The following EMC1 variants were observed in gnomAD, a reference collection of about 807,000 sequenced individuals.
EMC1 encodes ER membrane protein complex subunit 1, also known as KIAA0090.
In EMC1, 103 loss-of-function variants were observed where a neutral mutation model predicts 128.8. The ratio of observed to expected loss-of-function variants is 0.80; its 90% CI spans 0.68 to 0.94. EMC1 has a LOEUF of 0.94. Among genes scored for constraint, EMC1 ranks in the 40% least tolerant of loss-of-function variants. EMC1 has a pLI of 0.00. For missense variants in EMC1, 1,083 were observed against 1,250.6 expected, an observed-to-expected ratio of 0.87 and a Z score of 2.02; for synonymous variants, 442 against 490.4, an observed-to-expected ratio of 0.90 and a Z score of 1.30.
At chr1:19,244,177 G>A (rs1327055803) in intron 2 of EMC1, among the ~76,000 whole-genome samples, 162 bp from the exon 3 acceptor site, 1 of 152,124 alleles carries the variant, frequency 6.6e-6, no homozygotes, top group Non-Finnish European at 1.5e-5. Context: ...CATTCACGGG[G>A]TAATGAGGGT....
At chr1:19,244,144 G>A (rs769572799) in intron 2 of EMC1, 129 bp from the exon 3 acceptor site, 4 of 866,230 alleles carry the variant, frequency 4.6e-6, no homozygotes, top group Non-Finnish European at 7.4e-6. Context: ...AAGGAGTATA[G>A]CTAACTGGCA....
chr1:19,240,858 G>A (rs3932459), intron 6 of EMC1, among the ~76,000 whole-genome samples, 158 bp downstream of exon 6: 2 of 152,072 alleles, frequency 1.3e-5, no homozygotes, highest in African/African-American at 2.4e-5. Flanking sequence ...ACTTTAAATA[G>A]AGGCCTAATG....
chr1:19,248,726 G>A (rs2093643337), intron 1 of EMC1, among the ~76,000 whole-genome samples: 1 of 151,868 alleles, frequency 6.6e-6, no homozygotes, highest in Non-Finnish European at 1.5e-5. Flanking sequence ...CCCCAAGCTG[G>A]TCTTGAACTC....
rs773588875 is a variant in EMC1, at chr1:19,220,853, A to G, written c.2588-5T>C. The G allele has an allele frequency of 2.5e-6, 4 of 1,609,850 alleles. No homozygotes were observed. Among genetic ancestry groups the G allele is most frequent in the Non-Finnish European group, 3.4e-6 (4 of 1,176,594 alleles). On this transcript the variant is annotated splice_region_variant and splice_polypyrimidine_tract_variant and intron_variant, in intron 20 of 22. Transcript: ENST00000477853. ...TTGCTCCAGAAGGTAGTCCAACTAC[A>G]CAGGAGGAAGTGAATGTTCACACCG...
rs2093448264 is a variant in EMC1 at position 19,223,539 on chromosome 1, T to A, written c.2233A>T (p.Thr745Ser). Residue 745 changes from threonine (T) to serine (S), a missense_variant, in exon 19 of 23, where the codon ACA (threonine) becomes TCA (serine). Thr to Ser is a moderately conservative substitution (Grantham distance 58). Transcript: ENST00000477853. Reference protein sequence around the residue: ...SLNPNLLAVVTESTDAHHERT... With the variant: ...SLNPNLLAVVSESTDAHHERT... Reference sequence around the variant, plus strand: ...TCATGGTGCGCGTCTGTGCTCTCTGTCACCACGGCCAGCAGGTTGGGGTTC... The same window carrying A: ...TCATGGTGCGCGTCTGTGCTCTCTGACACCACGGCCAGCAGGTTGGGGTTC... 1 of 1,614,098 alleles carries A rather than the reference T, an allele frequency of 6.2e-7. No individual in the cohort carries two copies. The highest frequency in any genetic ancestry group is 2.2e-5 in the East Asian group (1 of 44,874).
In EMC1 at chr1:19,219,655, C is replaced by T. The variant is rs767596155; in HGVS notation, c.2716G>A (p.Ala906Thr). The change falls in exon 22 of 23, where the codon GCA becomes ACA. Residue 906 changes from alanine to threonine, a missense_variant. Ala to Thr is a moderately conservative substitution (Grantham distance 58). Transcript: ENST00000477853. The stretch of plus-strand genomic sequence containing the variant: ...TGGTTATAGTTGATGAATCGCTCTG[C>T]GTGTATCTGTACATCTGGAGAATAC... ...IPYSPDVQIHAERFINYNQTV... is the reference protein window; with the variant it reads ...IPYSPDVQIHTERFINYNQTV... 12 of 1,613,880 alleles carry T rather than the reference C, an allele frequency of 7.4e-6. No individual in the cohort carries two copies. The Admixed American group carries it at 8.3e-5, about 11-fold the overall frequency.
At chr1:19,228,645 T>C (rs1347048763) in intron 17 of EMC1, among the ~76,000 whole-genome samples, 1 of 152,140 alleles carries the variant, frequency 6.6e-6, no homozygotes, top group Non-Finnish European at 1.5e-5. Context: ...TGTCAATATT[T>C]TTCTGTAATA....
intron 7 of EMC1, 68 bp downstream of exon 7, chr1:19,240,229 A>C: frequency 1.3e-6 from 2 of 1,590,288 alleles, no homozygotes; most frequent in Non-Finnish European, 8.6e-7. Context: ...CTCCAGGGGA[A>C]TCATGCCAAA....
intron 1 of EMC1, among the ~76,000 whole-genome samples, chr1:19,247,329 G>A (rs1339054178): frequency 6.6e-6 from 1 of 152,098 alleles, no homozygotes; most frequent in East Asian, 1.9e-4. Flanking sequence ...GCATGCCATT[G>A]TGCCCAGCTT....
chr1:19,219,530 C>T (rs765270968), intron 22 of EMC1, 39 bp downstream of exon 22: 8 of 1,613,924 alleles, frequency 5.0e-6, no homozygotes, highest in Non-Finnish European at 6.8e-6. Flanking sequence ...ACCAATGATC[C>T]ACCAAGGGTG....
At position 19,251,519 on chromosome 1, in the gene EMC1, G is replaced by T. The variant is rs1318331340; in HGVS notation, c.-10C>A. ...CCCACTCAGCCGCCATGATGCGAGC[G>T]CATGCACCACCCACCGCCGTCCCGG... On this transcript the variant is annotated 5_prime_UTR_variant, in exon 1 of 23. Transcript: ENST00000477853. 1.2e-6 allele frequency: 2 copies of T among 1,613,502 alleles called. No homozygotes were observed. The highest frequency in any genetic ancestry group is 2.7e-5 in the African/African-American group (2 of 74,952).
In EMC1 at chr1:19,241,057, T is replaced by C. The variant is rs1384834925; in HGVS notation, c.595A>G (p.Ile199Val). Residue 199 changes from isoleucine to valine, a missense_variant, in exon 6 of 23, where the codon ATT becomes GTT. Transcript: ENST00000477853. ...CCATCTTCCACATTAAACTTGACAA[T>C]GTTCACATGGCTGAAGGGAACAACT... ...LGVVPFSHVN[I>V]VKFNVEDGEI... The C allele has an allele frequency of 5.0e-6, 8 of 1,614,126 alleles. No individual in the cohort carries two copies. Among genetic ancestry groups the C allele is most frequent in the Admixed American group, 1.7e-5 (1 of 60,022 alleles).
chr1:19,232,230 G>T (rs182756874), intron 15 of EMC1, among the ~76,000 whole-genome samples: 1 of 152,148 alleles, frequency 6.6e-6, no homozygotes, highest in African/African-American at 2.4e-5. Flanking sequence ...CCAGGCAGCC[G>T]TTCCAGGAAA....
In EMC1 at chr1:19,238,044, C is replaced by T; in HGVS notation, c.1185G>A (p.Leu395=). ...GCTCAGGCCGAGTGCCGCTCTGTTC[C>T]AGGCTAAATGTTATCGTGGTGTCCA... is the stretch of plus-strand genomic sequence containing the variant. ...RLLDTTITFS[L]EQSGTRPERL... The change falls in exon 11 of 23, where the codon CTG becomes CTA. Residue 395 remains leucine, a synonymous_variant. Transcript: ENST00000477853. The T allele has an allele frequency of 6.2e-7, 1 of 1,614,008 alleles. No individual in the cohort carries two copies. Among genetic ancestry groups the T allele is most frequent in the Non-Finnish European group, 8.5e-7 (1 of 1,179,948 alleles).
chr1:19,238,460 C>A (rs1399248881), intron 10 of EMC1, among the ~76,000 whole-genome samples: 1 of 152,156 alleles, frequency 6.6e-6, no homozygotes, highest in Admixed American at 6.5e-5. Flanking sequence ...ATGGAAGCCA[C>A]AGCAGGAACC....
chr1:19,250,765 C>T (rs1230278686), intron 1 of EMC1, among the ~76,000 whole-genome samples: 1 of 152,094 alleles, frequency 6.6e-6, no homozygotes, highest in African/African-American at 2.4e-5. Context: ...GACAAAGAAA[C>T]CAAGGCACAG....
intron 7 of EMC1, 34 bp from the exon 8 acceptor site, chr1:19,240,019 C>G: frequency 6.3e-7 from 1 of 1,585,242 alleles, no homozygotes; most frequent in Non-Finnish European, 8.6e-7. Flanking sequence ...TTATGGCTAA[C>G]AGCTGACGAC....
intron 18 of EMC1, 102 bp downstream of exon 18, chr1:19,227,211 A>G (rs2093481696): frequency 7.8e-7 from 1 of 1,289,218 alleles, no homozygotes; most frequent in Non-Finnish European, 1.1e-6. Context: ...TAAATGACTT[A>G]CTCAAGGTCA....
intron 11 of EMC1, among the ~76,000 whole-genome samples, 164 bp from the exon 12 acceptor site, chr1:19,237,402 A>G (rs546542974): frequency 6.6e-6 from 1 of 152,304 alleles, no homozygotes; most frequent in South Asian, 2.1e-4. Context: ...AGTGATACAT[A>G]TTCTTAGGAG....
Sources: allele counts gnomAD v4.1 joint callset (sites outside exome capture counted in the v4.1 genomes callset), GRCh38; gene constraint gnomAD v4.1.1; transcripts MANE v1.5; gene names NCBI Gene and HGNC (gene_info 2026-07-23, HGNC 2026-07-21).